Variants in MOB3B observed in about 807,000 individuals in gnomAD.
MOB3B encodes the protein MOB kinase activator-like 2B.
Under a neutral mutation model 18.7 loss-of-function variants are expected in MOB3B, and 7 were observed. The ratio of observed to expected loss-of-function variants is 0.37; its 90% CI spans 0.21 to 0.70. The LOEUF (loss-of-function observed/expected upper bound fraction) is 0.70, where lower values mean the gene tolerates loss of function less well. Ranked by LOEUF, MOB3B falls within the 30% of genes least tolerant of loss-of-function variation. The pLI is 0.52. For missense variants in MOB3B, 253 were observed against 281.3 expected (o/e 0.90, Z 0.72); for synonymous variants, 111 against 99.9 (o/e 1.11, Z -0.66).
At chr9:27,415,276 T>C (rs192808495) in intron 2 of MOB3B, among the ~76,000 whole-genome samples, 1 of 152,338 alleles carries the variant, frequency 6.6e-6, no homozygotes, top group East Asian at 1.9e-4. Flanking sequence ...AGGTTAAAAG[T>C]GAAATGGTAC....
Position 27,339,654 on chromosome 9 carries a change from G to A in MOB3B, c.622-9038C>T, listed in dbSNP as rs528824808. On this transcript the variant is annotated intron_variant, in intron 3 of 3. Transcript: ENST00000262244. ...AGGGGTAATGGAGGTTAAGTACCTC[G>A]GCCATGGCCACATCACTAATAATTA... Among the ~76,000 whole-genome samples, 14 of 152,330 alleles carry A rather than the reference G, an allele frequency of 9.2e-5. No individual in the cohort carries two copies. In the South Asian group the frequency reaches 2.5e-3, roughly 27 times the overall value.
rs931885738 is a variant in MOB3B, at chr9:27,527,865, T to G, written c.-199+1690A>C. ...GCTTTTGCCCCAGTTCTTTAATCAA[T>G]AATCCACACTAAGAATGAACACAAT... On this transcript the variant is annotated intron_variant, in intron 1 of 3. Coordinates refer to ENST00000262244, the MANE Select transcript of MOB3B (RefSeq NM_024761.5). Among the ~76,000 whole-genome samples, 61 of 152,290 alleles carry G rather than the reference T, an allele frequency of 4.0e-4. 1 individual carries two copies. Among genetic ancestry groups the G allele is most frequent in the African/African-American group, 1.5e-3 (61 of 41,558 alleles).
At chr9:27,476,956 A>G (rs892225380) in intron 1 of MOB3B, among the ~76,000 whole-genome samples, 12 of 152,284 alleles carry the variant, frequency 7.9e-5, no homozygotes, top group African/African-American at 2.6e-4. Context: ...CTCTTGAAAC[A>G]GCACAGCCCT....
chr9:27,336,919 C>T lies in MOB3B; in HGVS notation c.622-6303G>A, dbSNP rs151263393. On this transcript the variant is annotated intron_variant, in intron 3 of 3. Coordinates refer to ENST00000262244, the MANE Select transcript of MOB3B (RefSeq NM_024761.5). ...CAAATGTGATATTGCTGAAAAGACA[C>T]GAGGAAAGCTGCGAGTCCCCCGGAA... Among the ~76,000 whole-genome samples the T allele has an allele frequency of 2.3e-3, 343 of 152,266 alleles. 2 individuals carry two copies. The highest frequency in any genetic ancestry group is 7.7e-3 in the African/African-American group (319 of 41,550).
rs567077757 is a variant in MOB3B at position 27,355,783 on chromosome 9, C to T, written c.621+3251G>A. On this transcript the variant is annotated intron_variant, in intron 3 of 3. Coordinates refer to ENST00000262244, the MANE Select transcript of MOB3B (RefSeq NM_024761.5). ...TTCACCGTGTTAGCCAGGATGGTCT[C>T]GATCTCCTGACCTCGTGATCTGCCT... 4.7e-4 allele frequency among the ~76,000 whole-genome samples: 71 copies of T among 152,120 alleles called. 1 individual carries two copies. Among genetic ancestry groups the T allele is most frequent in the African/African-American group, 1.7e-3 (70 of 41,502 alleles).
chr9:27,448,774 A>G (rs10967941), intron 2 of MOB3B, among the ~76,000 whole-genome samples: 17,918 of 152,224 alleles, frequency 0.12, 1,093 homozygotes, highest in African/African-American at 0.14. Context: ...CAAACAGTTT[A>G]CTAGATCCCA....
At chr9:27,345,445 C>T (rs914915640) in intron 3 of MOB3B, among the ~76,000 whole-genome samples, 1 of 152,020 alleles carries the variant, frequency 6.6e-6, no homozygotes, top group Non-Finnish European at 1.5e-5. Flanking sequence ...AAGTAGTTGC[C>T]ATCATTTAAA....
intron 1 of MOB3B, among the ~76,000 whole-genome samples, chr9:27,463,586 T>G (rs1819329188): frequency 6.6e-6 from 1 of 152,228 alleles, no homozygotes; most frequent in Non-Finnish European, 1.5e-5. Flanking sequence ...TCAAAAGACC[T>G]GGATTCAAAT....
At chr9:27,456,761 T>A (rs897647698) in intron 1 of MOB3B, among the ~76,000 whole-genome samples, 3 of 152,222 alleles carry the variant, frequency 2.0e-5, no homozygotes, top group African/African-American at 7.2e-5. Context: ...ATGTGTTATA[T>A]CTATGGTGTT....
intron 2 of MOB3B, among the ~76,000 whole-genome samples, chr9:27,418,242 C>G (rs536767037): frequency 6.6e-6 from 1 of 152,048 alleles, no homozygotes; most frequent in South Asian, 2.1e-4. Context: ...AGATTCACAG[C>G]AGAATTCTAC....
chr9:27,481,626 T>C (rs1172996176), intron 1 of MOB3B, among the ~76,000 whole-genome samples: 1 of 150,982 alleles, frequency 6.6e-6, no homozygotes, highest in Non-Finnish European at 1.5e-5. Flanking sequence ...CCCAGGTTTA[T>C]GCCACTCTCC....
chr9:27,393,979 TA>T (rs1197171863), intron 2 of MOB3B: 1 of 152,184 alleles, frequency 6.6e-6, no homozygotes, highest in African/African-American at 2.4e-5. Flanking sequence ...TTCCTCCTCT[TA>T]AAAGGTAGAT....
intron 3 of MOB3B, among the ~76,000 whole-genome samples, chr9:27,341,903 C>G (rs1820947644): frequency 6.6e-6 from 1 of 152,166 alleles, no homozygotes; most frequent in Non-Finnish European, 1.5e-5. Flanking sequence ...AATGACAGTT[C>G]ATGGGTCAAA....
At chr9:27,424,823 C>A (rs777464375) in intron 2 of MOB3B, among the ~76,000 whole-genome samples, 1 of 152,160 alleles carries the variant, frequency 6.6e-6, no homozygotes, top group South Asian at 2.1e-4. Context: ...TATGTTGGTG[C>A]ATCAGTAGTA....
intron 1 of MOB3B, among the ~76,000 whole-genome samples, chr9:27,457,232 C>T (rs1402444419): frequency 6.6e-6 from 1 of 152,196 alleles, no homozygotes; most frequent in African/African-American, 2.4e-5. Context: ...TCCACATATT[C>T]CCCAAAGACT....
At chr9:27,432,436 T>C (rs1209877347) in intron 2 of MOB3B, among the ~76,000 whole-genome samples, 1 of 152,238 alleles carries the variant, frequency 6.6e-6, no homozygotes, top group East Asian at 1.9e-4. Flanking sequence ...CACTTTGAGA[T>C]AGTAACCTCA....
Position 27,363,489 on chromosome 9 carries a change from C to T in MOB3B, c.419-4253G>A, listed in dbSNP as rs371102718. Among the ~76,000 whole-genome samples the T allele has an allele frequency of 4.0e-4, 60 of 151,696 alleles. No homozygotes were observed. In the East Asian group the frequency reaches 6.2e-3, roughly 16 times the overall value. On this transcript the variant is annotated intron_variant, in intron 2 of 3. Transcript: ENST00000262244. ...TTCACTGTGTTAGCCAGGATGGTCT[C>T]GATCTCCTGACCTCGTGATCTGCCC...
At chr9:27,361,016 C>A (rs1294972276) in intron 2 of MOB3B, among the ~76,000 whole-genome samples, 1 of 152,052 alleles carries the variant, frequency 6.6e-6, no homozygotes, top group East Asian at 1.9e-4. Flanking sequence ...GGGGGCGGGT[C>A]TGGAGTCTTT....
At chr9:27,366,510 A>G (rs1821344374) in intron 2 of MOB3B, among the ~76,000 whole-genome samples, 1 of 152,052 alleles carries the variant, frequency 6.6e-6, no homozygotes, top group African/African-American at 2.4e-5. Flanking sequence ...GGCTTGTGTT[A>G]CTTATTTTAT....
Sources: gnomAD v4.1 joint callset for allele counts (sites outside exome capture counted in the v4.1 genomes callset) on GRCh38, gnomAD v4.1.1 for gene constraint, MANE v1.5 for transcripts, NCBI Gene and HGNC (gene_info 2026-07-23, HGNC 2026-07-21) for gene names.